Variants in NCKAP1 observed in about 807,000 individuals in gnomAD.
NCKAP1 encodes the protein nck-associated protein 1.
Under a neutral mutation model 151.2 loss-of-function variants are expected in NCKAP1, and 21 were observed. The ratio of observed to expected loss-of-function variants is 0.14; its 90% CI spans 0.10 to 0.20. The LOEUF is 0.20. NCKAP1 is among the 10% of genes least tolerant of loss of function. The probability of loss-of-function intolerance (pLI) is 1.00; values close to 1 mark genes in which losing one functional copy is unlikely to be tolerated. For missense variants in NCKAP1, 933 were observed against 1,352.1 expected (o/e 0.69, Z 4.86); for synonymous variants, 484 against 451.8 (o/e 1.07, Z -0.90).
chr2:182,934,708 T>C (rs955590377), intron 26 of NCKAP1, 44 bp downstream of exon 26: 4 of 951,388 alleles, frequency 4.2e-6, no homozygotes, highest in South Asian at 1.5e-5. Flanking sequence ...TTTAAATATT[T>C]CGCTTTAGAG....
chr2:183,032,167 T>C (rs138900032), intron 1 of NCKAP1, among the ~76,000 whole-genome samples: 129 of 152,278 alleles, frequency 8.5e-4, no homozygotes, highest in Non-Finnish European at 1.5e-3. Context: ...ACTGATCTCC[T>C]CACTTTGTAA....
chr2:182,969,184 CA>C (rs1225623472), intron 15 of NCKAP1, among the ~76,000 whole-genome samples: 1 of 152,122 alleles, frequency 6.6e-6, no homozygotes, highest in African/African-American at 2.4e-5. Context: ...GGATAGTCTC[CA>C]GGAGAGACCA....
At chr2:183,004,400 G>GT in intron 2 of NCKAP1, among the ~76,000 whole-genome samples, 1 of 147,748 alleles carries the variant, frequency 6.8e-6, no homozygotes, top group Non-Finnish European at 1.5e-5. Flanking sequence ...AACCACTATG[G>GT]TAAGTCAGAA....
intron 2 of NCKAP1, among the ~76,000 whole-genome samples, chr2:183,012,698 C>T (rs941310795): frequency 2.0e-5 from 3 of 150,970 alleles, no homozygotes; most frequent in Admixed American, 6.6e-5. Flanking sequence ...CTGCAGCCTC[C>T]GCCTCCCAGG....
intron 8 of NCKAP1, among the ~76,000 whole-genome samples, chr2:182,989,981 C>T (rs1284556315): frequency 1.3e-5 from 2 of 150,906 alleles, no homozygotes; most frequent in Non-Finnish European, 2.9e-5. Context: ...CAGAGCAAGA[C>T]TCTGTCTCAA....
rs1453708891 is a variant in NCKAP1, at chr2:182,942,166, A to T, written c.2602-3T>A. 1 of 1,074,980 alleles carries T rather than the reference A, an allele frequency of 9.3e-7. No homozygotes were observed. Among genetic ancestry groups the T allele is most frequent in the Non-Finnish European group, 1.3e-6 (1 of 759,764 alleles). 66.6% of individuals were successfully genotyped at this position (1,074,980 alleles called of 1,614,324 possible). ...TCAACATTCTCCACCACAAGTTTCT[A>T]AAAAAAAAAGAAAGATCCTAGGTCA... On this transcript the variant is annotated splice_polypyrimidine_tract_variant and splice_region_variant and intron_variant, in intron 23 of 30. Coordinates refer to ENST00000361354, the MANE Select transcript of NCKAP1 (RefSeq NM_013436.5).
chr2:182,944,731 G>T (rs1697065174), intron 23 of NCKAP1, among the ~76,000 whole-genome samples: 1 of 152,056 alleles, frequency 6.6e-6, no homozygotes, highest in Non-Finnish European at 1.5e-5. Flanking sequence ...TCACCTTTAA[G>T]ATAAAAAGAA....
In NCKAP1 at chr2:182,997,311, T is replaced by C. The variant is rs1265027761; in HGVS notation, c.604-1473A>G. ...TGCAGGCTTTAGGTTTAGTTCATTC[T>C]TCTTTTTCTAGTTCTTGTAAGTGCA... On this transcript the variant is annotated intron_variant, in intron 6 of 30. Coordinates refer to ENST00000361354, the MANE Select transcript of NCKAP1 (RefSeq NM_013436.5). Among the ~76,000 whole-genome samples the C allele has an allele frequency of 2.6e-5, 4 of 152,234 alleles. No individual in the cohort carries two copies. The East Asian group carries it at 7.7e-4, about 29-fold the overall frequency.
intron 2 of NCKAP1, among the ~76,000 whole-genome samples, chr2:183,016,933 G>A (rs1054676654): frequency 2.6e-5 from 4 of 152,234 alleles, no homozygotes; most frequent in Admixed American, 6.5e-5. Context: ...TGGGGAACCC[G>A]GACAAGTCGT....
intron 6 of NCKAP1, among the ~76,000 whole-genome samples, chr2:182,997,405 C>T (rs1225738894): frequency 1.3e-5 from 2 of 152,156 alleles, no homozygotes; most frequent in Non-Finnish European, 2.9e-5. Flanking sequence ...CTTAACACTG[C>T]TTTTGCCACA....
At chr2:182,927,266 G>T in intron 29 of NCKAP1, 1 of 160,844 alleles carries the variant, frequency 6.2e-6, no homozygotes, top group Non-Finnish European at 1.3e-5. Flanking sequence ...TTTCACACTG[G>T]ATTTGACTTC....
Position 183,038,107 on chromosome 2 carries a change from C to G in NCKAP1, c.-8G>C. On this transcript the variant is annotated 5_prime_UTR_variant, in exon 1 of 31. Transcript: ENST00000361354. ...CAGCACTGAGCGCGACATGGTGGTG[C>G]TGGTGCCGCCGCCGCCGCCGGCCGC... 13 of 1,547,304 alleles carry G rather than the reference C, an allele frequency of 8.4e-6. No individual in the cohort carries two copies. Among genetic ancestry groups the G allele is most frequent in the Non-Finnish European group, 1.1e-5 (13 of 1,157,138 alleles).
chr2:183,012,667 T>C (rs1698611068), intron 2 of NCKAP1, among the ~76,000 whole-genome samples: 4 of 150,680 alleles, frequency 2.7e-5, no homozygotes, highest in Admixed American at 6.6e-5. Flanking sequence ...TCCCAGAGTG[T>C]AGTGGCATGA....
intron 2 of NCKAP1, among the ~76,000 whole-genome samples, chr2:183,016,682 C>T (rs77620262): frequency 0.043 from 6,486 of 152,144 alleles, 192 homozygotes; most frequent in South Asian, 0.13. Flanking sequence ...TACTACATGC[C>T]AGTCAAGAGG....
In NCKAP1 at chr2:182,953,339, G is replaced by A. The variant is rs1401809367; in HGVS notation, c.2154-8C>T. 1.3e-6 allele frequency: 2 copies of A among 1,578,410 alleles called. No homozygotes were observed. Among genetic ancestry groups the A allele is most frequent in the Non-Finnish European group, 1.7e-6 (2 of 1,157,542 alleles). On this transcript the variant is annotated splice_region_variant and splice_polypyrimidine_tract_variant and intron_variant, in intron 20 of 30. Coordinates refer to ENST00000361354, the MANE Select transcript of NCKAP1 (RefSeq NM_013436.5). ...GTCATCCCAACAATTGACCTGGGAA[G>A]AAGGGATAGAAGAATAAGAAAAGCC...
intron 23 of NCKAP1, chr2:182,947,124 G>C (rs1158313548): frequency 1.3e-5 from 2 of 152,244 alleles, no homozygotes; most frequent in East Asian, 3.8e-4. Context: ...CCTAGGATGA[G>C]GATATCTTTC....
chr2:182,995,692 G>T lies in NCKAP1; in HGVS notation c.741+9C>A. The T allele has an allele frequency of 6.2e-7, 1 of 1,604,244 alleles. No homozygotes were observed. On this transcript the variant is annotated intron_variant, in intron 7 of 30. Coordinates refer to ENST00000361354, the MANE Select transcript of NCKAP1 (RefSeq NM_013436.5). The stretch of plus-strand genomic sequence containing the variant: ...TATTTTCATTCAAAAGAGAAAAATA[G>T]AACCATACAGTGTCGGACTGTGCTG...
intron 8 of NCKAP1, among the ~76,000 whole-genome samples, chr2:182,989,604 C>T (rs1018962278): frequency 3.3e-5 from 5 of 152,178 alleles, no homozygotes; most frequent in African/African-American, 9.6e-5. Flanking sequence ...CCCAGCACTG[C>T]GGGAGGTTGA....
intron 2 of NCKAP1, among the ~76,000 whole-genome samples, chr2:183,009,471 G>C (rs113147147): frequency 0.041 from 3,722 of 91,112 alleles, 44 homozygotes; most frequent in African/African-American, 0.072. Flanking sequence ...AGGAAGGAAG[G>C]AAGGAAGCAA....
Sources: allele counts gnomAD v4.1 joint callset (sites outside exome capture counted in the v4.1 genomes callset), GRCh38; gene constraint gnomAD v4.1.1; transcripts MANE v1.5; gene names NCBI Gene and HGNC (gene_info 2026-07-23, HGNC 2026-07-21).